NCOR2: variants seen among roughly 807,000 people sequenced by gnomAD.
NCOR2 encodes nuclear receptor corepressor 2.
A neutral mutation model predicts 262.9 loss-of-function variants in NCOR2; 81 were observed. The observed-to-expected ratio is 0.31, with a 90% CI of 0.26 to 0.37. The LOEUF (loss-of-function observed/expected upper bound fraction) is 0.37, where lower values mean the gene tolerates loss of function less well. Ranked by LOEUF, NCOR2 falls within the 10% of genes least tolerant of loss-of-function variation. The pLI is 1.00. For missense variants in NCOR2, 3,385 were observed against 3,621.4 expected (o/e 0.93, Z 1.68); for synonymous variants, 1,659 against 1,559.3 (o/e 1.06, Z -1.51).
rs1291134849 is a variant in NCOR2 at position 124,432,651 on chromosome 12, A to G, written c.883-1864T>C. On this transcript the variant is annotated intron_variant, in intron 8 of 46. Transcript: ENST00000405201. This position sits in a 1 kb window ranked among gnomAD's most constrained non-coding sequence, Gnocchi z 5.1. Reference sequence around the variant, plus strand: ...AAAACCACATTCCAAGCAGTTCCTCATTCCCCAGCCTCACCCCAAGGACCA... The same window carrying G: ...AAAACCACATTCCAAGCAGTTCCTCGTTCCCCAGCCTCACCCCAAGGACCA... Among the ~76,000 whole-genome samples the G allele has an allele frequency of 6.6e-6, 1 of 152,128 alleles. No homozygotes were observed. Among genetic ancestry groups the G allele is most frequent in the Non-Finnish European group, 1.5e-5 (1 of 68,010 alleles).
intron 46 of NCOR2, 117 bp from the exon 49 acceptor site, chr12:124,325,700 C>A: frequency 1.5e-6 from 1 of 646,986 alleles, no homozygotes. Context: ...ACAGTCCTCC[C>A]AGACCTTTCT....
intron 16 of NCOR2, among the ~76,000 whole-genome samples, chr12:124,396,961 G>A (rs1288865619): frequency 6.6e-6 from 1 of 152,208 alleles, no homozygotes; most frequent in Non-Finnish European, 1.5e-5. Flanking sequence ...AGACAGCCTC[G>A]ACTCCAGCAG....
rs1481488395 is a variant in NCOR2 at position 124,356,795 on chromosome 12, C to T, written c.3101-13G>A. 1.4e-6 allele frequency: 2 copies of T among 1,462,742 alleles called. No homozygotes were observed. The highest frequency in any genetic ancestry group is 1.5e-5 in the African/African-American group (1 of 67,162). The allele number at this position is 1,462,742 out of a possible 1,614,324, so 90.6% of individuals were successfully genotyped here. ...TCGGCTGCGAAGGCTGGGAAGAACACAGGCTTCTCTGCTGAGGGCAGGAGG... is the reference window on the plus strand; with the variant it reads ...TCGGCTGCGAAGGCTGGGAAGAACATAGGCTTCTCTGCTGAGGGCAGGAGG... On this transcript the variant is annotated splice_polypyrimidine_tract_variant and intron_variant, in intron 22 of 46. Coordinates refer to ENST00000405201, the Ensembl canonical transcript of NCOR2.
At chr12:124,460,336 T>G (rs1405387577) in intron 5 of NCOR2, among the ~76,000 whole-genome samples, 1 of 152,184 alleles carries the variant, frequency 6.6e-6, no homozygotes, top group Non-Finnish European at 1.5e-5. Context: ...TTCTTGTACC[T>G]GCAGGCTGTC....
exon 20 of NCOR2, chr12:124,372,235 T>C: frequency 6.3e-7 from 1 of 1,599,724 alleles, no homozygotes. Flanking sequence ...CTCCGTGCAC[T>C]CGCTCTTGAC....
At chr12:124,498,927 A>G (rs1201711102), upstream of NCOR2, among the ~76,000 whole-genome samples, 2 of 152,264 alleles carry the variant, frequency 1.3e-5, no homozygotes, top group African/African-American at 2.4e-5. Context: ...TGAAATGTCC[A>G]GAACAGGCAC....
At chr12:124,552,677 C>T (rs553241779) in intron 1 of NCOR2, among the ~76,000 whole-genome samples, 4 of 152,094 alleles carry the variant, frequency 2.6e-5, no homozygotes, top group South Asian at 4.2e-4. Context: ...CAAGTTTTTT[C>T]GGGGGGGTTA....
At chr12:124,423,148 C>T (rs1329192529) in intron 11 of NCOR2, among the ~76,000 whole-genome samples, 3 of 152,148 alleles carry the variant, frequency 2.0e-5, no homozygotes, top group African/African-American at 7.2e-5. Context: ...TGGCTTCCTG[C>T]GTAGCCAGGA....
At chr12:124,369,958 G>A (rs529552562) in intron 20 of NCOR2, among the ~76,000 whole-genome samples, 3 of 152,318 alleles carry the variant, frequency 2.0e-5, no homozygotes, top group Admixed American at 2.0e-4. Flanking sequence ...CCAGCCACAT[G>A]GACCCAAAAT....
intron 19 of NCOR2, 114 bp downstream of exon 21, chr12:124,374,299 G>T: frequency 9.4e-7 from 1 of 1,065,308 alleles, no homozygotes; most frequent in Non-Finnish European, 1.4e-6. Flanking sequence ...AAACGGTGGC[G>T]CTCACAGAAA....
chr12:124,563,692 C>T (rs908818944), intron 1 of NCOR2, among the ~76,000 whole-genome samples: 1 of 152,260 alleles, frequency 6.6e-6, no homozygotes, highest in African/African-American at 2.4e-5. Context: ...AAGGCGAATG[C>T]CAAATTTGCA....
intron 20 of NCOR2, among the ~76,000 whole-genome samples, chr12:124,367,642 AT>A (rs912848445): frequency 6.6e-6 from 1 of 151,630 alleles, no homozygotes; most frequent in Non-Finnish European, 1.5e-5. Flanking sequence ...TTATTTATTT[AT>A]TTTTTTGGAG....
intron 27 of NCOR2, 105 bp downstream of exon 29, chr12:124,353,988 C>T: frequency 9.8e-7 from 1 of 1,018,706 alleles, no homozygotes; most frequent in Non-Finnish European, 1.5e-6. Context: ...CCAGTCATCA[C>T]CCCATCGGCT....
chr12:124,469,617 C>T (rs536755893), intron 4 of NCOR2, among the ~76,000 whole-genome samples: 1 of 152,310 alleles, frequency 6.6e-6, no homozygotes, highest in African/African-American at 2.4e-5. Context: ...CCTGAGCCCC[C>T]CGCTCACCAG....
chr12:124,369,826 C>T (rs976351125), intron 20 of NCOR2, among the ~76,000 whole-genome samples: 1 of 152,116 alleles, frequency 6.6e-6, no homozygotes, highest in African/African-American at 2.4e-5. Context: ...GGACACGGCC[C>T]TGGGCGGGGC....
In NCOR2 at chr12:124,531,417, A is replaced by G. The variant is rs150100160; in HGVS notation, c.-118+4148T>C. The stretch of plus-strand genomic sequence containing the variant: ...CCGCAGGCAGACACGCTCAACTGTC[A>G]GCCTCCTCCTCTCAGCCCGCCATCA... On this transcript the variant is annotated intron_variant, in intron 1 of 46. Coordinates refer to the NCOR2 transcript ENST00000404621. This position sits in a 1 kb window ranked among gnomAD's most constrained non-coding sequence, Gnocchi z 4.5. Among the ~76,000 whole-genome samples the G allele has an allele frequency of 7.7e-4, 117 of 152,240 alleles. No homozygotes were observed. The highest frequency in any genetic ancestry group is 2.6e-3 in the African/African-American group (109 of 41,546).
intron 13 of NCOR2, among the ~76,000 whole-genome samples, chr12:124,411,086 GA>G (rs1252625365): frequency 1.6e-4 from 3 of 18,268 alleles, no homozygotes; most frequent in Non-Finnish European, 2.1e-4. Flanking sequence ...GAGAAGGGGA[GA>G]GAGAGAGAGA....
In NCOR2 at chr12:124,334,629, TG is replaced by T. The variant is rs751510162; in HGVS notation, c.6412-13del. ...TGTGTGATGACCTCCTGCAGGCAAG[TG>T]GGGGGGCCCAGAGTCAGGCAGCACT... On this transcript the variant is annotated splice_polypyrimidine_tract_variant and intron_variant, in intron 40 of 46. Transcript: ENST00000405201. 17 of 1,170,228 alleles carry T rather than the reference TG, an allele frequency of 1.5e-5. No homozygotes were observed. The highest frequency in any genetic ancestry group is 4.9e-5 in the Admixed American group (1 of 20,606). 72.5% of individuals were successfully genotyped at this position (1,170,228 alleles called of 1,614,324 possible).
At chr12:124,560,223 A>G (rs1472044387) in intron 1 of NCOR2, among the ~76,000 whole-genome samples, 1 of 152,236 alleles carries the variant, frequency 6.6e-6, no homozygotes, top group Admixed American at 6.5e-5. Context: ...AGGGCCAGAG[A>G]GTAAATATTT....
Sources: allele counts gnomAD v4.1 joint callset (sites outside exome capture counted in the v4.1 genomes callset), GRCh38; gene constraint gnomAD v4.1.1; non-coding constraint Gnocchi (gnomAD v3.1); transcripts MANE v1.5; gene names NCBI Gene and HGNC (gene_info 2026-07-23, HGNC 2026-07-21).